PTPRD: variants seen among roughly 807,000 people sequenced by gnomAD.
PTPRD encodes the protein receptor-type tyrosine-protein phosphatase delta.
Under a neutral mutation model 214.5 loss-of-function variants are expected in PTPRD, and 34 were observed. That is an observed-to-expected ratio of 0.16 (90% CI 0.12 to 0.21). The LOEUF (loss-of-function observed/expected upper bound fraction) is 0.21. Among genes scored for constraint, PTPRD ranks in the 10% least tolerant of loss-of-function variants. The pLI, the probability that PTPRD is intolerant of heterozygous loss-of-function variation, is 1.00. For missense variants in PTPRD, 2,545 were observed against 2,398.7 expected (o/e 1.06, Z -1.27); for synonymous variants, 1,128 against 845.7 (o/e 1.33, Z -5.79).
intron 7 of PTPRD, among the ~76,000 whole-genome samples, chr9:9,655,824 A>G (rs893296405): frequency 6.6e-6 from 1 of 151,916 alleles, no homozygotes; most frequent in Non-Finnish European, 1.5e-5. Flanking sequence ...CTAAAAATGC[A>G]AAAATTAGCT....
At position 8,456,855 on chromosome 9, in the gene PTPRD, T is replaced by C. The variant is rs530118349; in HGVS notation, c.3875+3556A>G. Among the ~76,000 whole-genome samples, 236 of 152,334 alleles carry C rather than the reference T, an allele frequency of 1.5e-3. 1 individual carries two copies. Among genetic ancestry groups the C allele is most frequent in the Middle Eastern group, 3.4e-3 (1 of 294 alleles). ...TTCTAGGACCACCTGATCTACACTT[T>C]CTTTGATTCCATAGTATGTAATAAA... On this transcript the variant is annotated intron_variant, in intron 33 of 45. Coordinates refer to ENST00000381196, the MANE Select transcript of PTPRD (RefSeq NM_002839.4).
chr9:9,370,508 T>C (rs1268913818), intron 9 of PTPRD, among the ~76,000 whole-genome samples: 1 of 151,642 alleles, frequency 6.6e-6, no homozygotes, highest in Non-Finnish European at 1.5e-5. Flanking sequence ...AAGGAGATTT[T>C]GAGCTGAGAT....
Position 8,585,043 on chromosome 9 carries a change from G to T in PTPRD, c.352+48274C>A, listed in dbSNP as rs114583348. 8.2e-3 allele frequency among the ~76,000 whole-genome samples: 1,252 copies of T among 152,228 alleles called. 18 individuals carry two copies. Among genetic ancestry groups the T allele is most frequent in the African/African-American group, 0.029 (1,196 of 41,544 alleles). ...TCCCTCTCATAACACGTGGGGATTA[G>T]GGGAACTACAATTCAAGATGAGATT... On this transcript the variant is annotated intron_variant, in intron 14 of 45. Coordinates refer to ENST00000381196, the MANE Select transcript of PTPRD (RefSeq NM_002839.4).
intron 6 of PTPRD, among the ~76,000 whole-genome samples, chr9:9,742,773 C>T (rs2098417403): frequency 6.6e-6 from 1 of 152,076 alleles, no homozygotes; most frequent in South Asian, 2.1e-4. Context: ...CAACTCTTTC[C>T]TTCCTCTACT....
chr9:9,162,921 T>C (rs767682350), intron 10 of PTPRD, among the ~76,000 whole-genome samples: 20 of 152,110 alleles, frequency 1.3e-4, no homozygotes, highest in Non-Finnish European at 2.4e-4. Context: ...CTTGCTTAAC[T>C]TCTTGGGAAC....
chr9:9,792,974 C>A (rs1295962869), intron 5 of PTPRD, among the ~76,000 whole-genome samples: 1 of 151,968 alleles, frequency 6.6e-6, no homozygotes, highest in African/African-American at 2.4e-5. Flanking sequence ...ATAATCAACA[C>A]CTCTGAGAGC....
chr9:10,454,988 T>A (rs759939369), intron 2 of PTPRD, among the ~76,000 whole-genome samples: 3 of 151,776 alleles, frequency 2.0e-5, no homozygotes, highest in Non-Finnish European at 3.0e-5. Flanking sequence ...GAATATTTTC[T>A]CCAGAGATGC....
chr9:9,938,102 A>G (rs765335390), intron 5 of PTPRD, among the ~76,000 whole-genome samples: 8 of 152,164 alleles, frequency 5.3e-5, no homozygotes, highest in Non-Finnish European at 1.0e-4. Flanking sequence ...CTCGGCCCTC[A>G]GGTGATTACC....
Position 9,086,136 on chromosome 9 carries a change from C to T in PTPRD, c.-142-67401G>A, listed in dbSNP as rs149412360. On this transcript the variant is annotated intron_variant, in intron 10 of 45. Transcript: ENST00000381196. The stretch of plus-strand genomic sequence containing the variant: ...TTTTAAGTAAGGATCACTTCCAGAA[C>T]GGCACCAAATCGAATTGAAGTGTGA... Among the ~76,000 whole-genome samples the T allele has an allele frequency of 7.9e-5, 12 of 152,288 alleles. No homozygotes were observed. In the East Asian group the frequency reaches 1.9e-3, roughly 24 times the overall value.
chr9:10,243,081 C>CATT (rs2091426564), intron 3 of PTPRD, among the ~76,000 whole-genome samples: 1 of 151,942 alleles, frequency 6.6e-6, no homozygotes, highest in African/African-American at 2.4e-5. Flanking sequence ...AATTTAGTTC[C>CATT]ATTGTCCCTT....
At chr9:9,516,801 G>T (rs2096849724) in intron 8 of PTPRD, among the ~76,000 whole-genome samples, 1 of 152,046 alleles carries the variant, frequency 6.6e-6, no homozygotes, top group African/African-American at 2.4e-5. Flanking sequence ...CTCCCAAAGT[G>T]CTGGGATTAC....
chr9:9,028,823 G>T (rs995750331), intron 10 of PTPRD, among the ~76,000 whole-genome samples: 2 of 151,904 alleles, frequency 1.3e-5, no homozygotes, highest in African/African-American at 4.8e-5. Flanking sequence ...GGGGAAGTTT[G>T]CCCAGGCGAG....
intron 11 of PTPRD, among the ~76,000 whole-genome samples, chr9:8,770,450 A>G (rs925407276): frequency 1.3e-5 from 2 of 152,168 alleles, no homozygotes; most frequent in Middle Eastern, 3.4e-3. Flanking sequence ...AGCTTTGTCT[A>G]TTTTCTATTC....
rs559924079 is a variant in PTPRD at position 9,662,580 on chromosome 9, G to C, written c.-287+71953C>G. Among the ~76,000 whole-genome samples, 14 of 151,626 alleles carry C rather than the reference G, an allele frequency of 9.2e-5. No homozygotes were observed. In the Middle Eastern group the frequency reaches 0.01, roughly 111 times the overall value. On this transcript the variant is annotated intron_variant, in intron 7 of 45. Coordinates refer to ENST00000381196, the MANE Select transcript of PTPRD (RefSeq NM_002839.4). ...TTCCTTCTGTTAAGAAATCTGAATAGTATCAACATGAAAAGGCTAAGAAAA... is the reference window on the plus strand; with the variant it reads ...TTCCTTCTGTTAAGAAATCTGAATACTATCAACATGAAAAGGCTAAGAAAA...
At chr9:9,509,060 TA>T (rs964038177) in intron 8 of PTPRD, among the ~76,000 whole-genome samples, 12 of 151,448 alleles carry the variant, frequency 7.9e-5, no homozygotes, top group Middle Eastern at 3.4e-3. Context: ...TATAAATTAT[TA>T]AAATACTACA....
At chr9:9,857,989 C>T (rs1005976182) in intron 5 of PTPRD, among the ~76,000 whole-genome samples, 1 of 152,116 alleles carries the variant, frequency 6.6e-6, no homozygotes, top group Non-Finnish European at 1.5e-5. Flanking sequence ...ATGAAGAATG[C>T]ATTATCATGC....
intron 2 of PTPRD, among the ~76,000 whole-genome samples, chr9:10,347,918 C>T (rs556924471): frequency 3.8e-4 from 58 of 151,908 alleles, no homozygotes; most frequent in Non-Finnish European, 6.0e-4. Context: ...ATTAGCCCAG[C>T]GTGGTGCATG....
intron 11 of PTPRD, among the ~76,000 whole-genome samples, chr9:8,779,246 G>A (rs915581568): frequency 4.6e-5 from 7 of 152,070 alleles, no homozygotes; most frequent in African/African-American, 1.7e-4. Context: ...AATACAATAG[G>A]AAGCCATTTT....
intron 33 of PTPRD, among the ~76,000 whole-genome samples, chr9:8,450,229 T>C (rs745689962): frequency 8.5e-5 from 13 of 152,148 alleles, no homozygotes; most frequent in Non-Finnish European, 1.5e-4. Context: ...GTTGTTACCA[T>C]AGAGAAACTA....
Sources: allele counts gnomAD v4.1 joint callset (sites outside exome capture counted in the v4.1 genomes callset), GRCh38; gene constraint gnomAD v4.1.1; transcripts MANE v1.5; gene names NCBI Gene and HGNC (gene_info 2026-07-23, HGNC 2026-07-21).